Variants in PSMD5 observed in about 807,000 individuals in gnomAD.
The protein encoded by PSMD5 is 26S proteasome non-ATPase regulatory subunit 5.
In PSMD5, 40 loss-of-function variants were observed where a neutral mutation model predicts 52.1. The observed-to-expected ratio is 0.77, with a 90% CI of 0.60 to 1.00. The LOEUF (loss-of-function observed/expected upper bound fraction) is 1.00. Among genes scored for constraint, PSMD5 ranks in the 50% least tolerant of loss-of-function variants. The pLI is 0.00. For synonymous variants in PSMD5, 211 were observed against 226.6 expected (o/e 0.93, Z 0.62); for missense variants, 575 against 605.2 (o/e 0.95, Z 0.52).
chr9:120,840,643 G>A (rs1239284547), intron 1 of PSMD5, among the ~76,000 whole-genome samples: 10 of 133,336 alleles, frequency 7.5e-5, no homozygotes, highest in Non-Finnish European at 1.3e-4. Context: ...TTTTTGAGAC[G>A]GAATCTCACT....
At chr9:120,831,489 T>C (rs748137232) in intron 3 of PSMD5, 30 bp from the exon 4 acceptor site, 2 of 1,576,752 alleles carry the variant, frequency 1.3e-6, no homozygotes. Flanking sequence ...TCTCTTACAT[T>C]CCCAAAATGC....
chr9:120,838,012 C>T (rs1218613770), intron 1 of PSMD5, among the ~76,000 whole-genome samples: 1 of 152,182 alleles, frequency 6.6e-6, no homozygotes, highest in Non-Finnish European at 1.5e-5. Flanking sequence ...CAAAAGAATA[C>T]ATAATGTATG....
intron 9 of PSMD5, among the ~76,000 whole-genome samples, chr9:120,819,150 T>C (rs1306748562): frequency 6.6e-6 from 1 of 152,230 alleles, no homozygotes; most frequent in African/African-American, 2.4e-5. Flanking sequence ...TACGTTTTAA[T>C]GAAAAAGAAG....
intron 9 of PSMD5, among the ~76,000 whole-genome samples, chr9:120,819,504 C>CA (rs1293199205): frequency 6.6e-6 from 1 of 152,196 alleles, no homozygotes; most frequent in Non-Finnish European, 1.5e-5. Flanking sequence ...ATGGCCATCT[C>CA]ATACAATGAC....
intron 3 of PSMD5, 120 bp downstream of exon 3, chr9:120,831,711 TA>T: frequency 7.0e-7 from 1 of 1,422,618 alleles, no homozygotes; most frequent in Non-Finnish European, 9.4e-7. Flanking sequence ...TATGAAGTTG[TA>T]AATTCCATTA....
chr9:120,836,259 C>T (rs999364829), intron 1 of PSMD5, among the ~76,000 whole-genome samples: 2 of 152,170 alleles, frequency 1.3e-5, no homozygotes, highest in Non-Finnish European at 2.9e-5. Flanking sequence ...TTTGGTTGCA[C>T]ATGTGGGTTG....
At chr9:120,833,975 C>CTTTT (rs34657179) in intron 1 of PSMD5, among the ~76,000 whole-genome samples, 8 of 80,326 alleles carry the variant, frequency 1.0e-4, no homozygotes, top group South Asian at 8.0e-4. Context: ...CGCACCTGGC[C>CTTTT]TTTTTTTTTT....
chr9:120,837,565 AT>A (rs927410880), intron 1 of PSMD5, among the ~76,000 whole-genome samples: 11 of 151,108 alleles, frequency 7.3e-5, no homozygotes, highest in Admixed American at 4.6e-4. Flanking sequence ...AAAGTCATAC[AT>A]TTTTTTTTCC....
chr9:120,835,464 C>T (rs2045191341), intron 1 of PSMD5, among the ~76,000 whole-genome samples: 1 of 152,136 alleles, frequency 6.6e-6, no homozygotes, highest in African/African-American at 2.4e-5. Flanking sequence ...GTGACTCACG[C>T]CTGTAATCCC....
At position 120,824,583 on chromosome 9, in the gene PSMD5, C is replaced by G. The variant is rs370927809; in HGVS notation, c.917G>C (p.Ser306Thr). Residue 306 changes from serine to threonine, a missense_variant, in exon 7 of 10, where the codon AGT (serine) becomes ACT (threonine). Ser to Thr is a moderately conservative substitution (Grantham distance 58, BLOSUM62 1). Coordinates refer to ENST00000210313, the MANE Select transcript of PSMD5 (RefSeq NM_005047.4). ...FVEKVFEMIE[S>T]QDPTMIGVAV... ...TACACCAATCATAGTGGGGTCCTGACTTTCTATCATTTCAAAGACTTTTTC... is the reference window on the plus strand; with the variant it reads ...TACACCAATCATAGTGGGGTCCTGAGTTTCTATCATTTCAAAGACTTTTTC... The G allele has an allele frequency of 6.8e-6, 11 of 1,614,090 alleles. No individual in the cohort carries two copies. In the African/African-American group the frequency reaches 1.2e-4, roughly 18 times the overall value.
At chr9:120,819,611 G>A (rs2045068830) in intron 9 of PSMD5, among the ~76,000 whole-genome samples, 1 of 152,314 alleles carries the variant, frequency 6.6e-6, no homozygotes, top group Admixed American at 6.5e-5. Context: ...GAGGCGGGCG[G>A]ATCACAAGGT....
chr9:120,818,723 T>C (rs1054088358), intron 9 of PSMD5, among the ~76,000 whole-genome samples: 3 of 142,166 alleles, frequency 2.1e-5, no homozygotes, highest in African/African-American at 7.8e-5. Flanking sequence ...TCTTTTAACA[T>C]AGACAAATTT....
chr9:120,839,552 T>C (rs944047594), intron 1 of PSMD5, among the ~76,000 whole-genome samples: 1 of 152,050 alleles, frequency 6.6e-6, no homozygotes, highest in Non-Finnish European at 1.5e-5. Context: ...CTGATAGACA[T>C]CATGAATGGA....
At chr9:120,835,083 C>T (rs1156387976) in intron 1 of PSMD5, among the ~76,000 whole-genome samples, 3 of 152,186 alleles carry the variant, frequency 2.0e-5, no homozygotes, top group African/African-American at 7.2e-5. Flanking sequence ...AATGAACATA[C>T]TCTTTTAATT....
chr9:120,822,451 A>C (rs1334469159), intron 7 of PSMD5, among the ~76,000 whole-genome samples: 4 of 152,242 alleles, frequency 2.6e-5, no homozygotes, highest in Admixed American at 1.3e-4. Context: ...CTGTAAAACG[A>C]TTGTCATAGG....
At chr9:120,822,126 A>T (rs1301289997) in intron 7 of PSMD5, among the ~76,000 whole-genome samples, 1 of 151,984 alleles carries the variant, frequency 6.6e-6, no homozygotes, top group Non-Finnish European at 1.5e-5. Flanking sequence ...GTTTTTTTTT[A>T]AAGTAATAGC....
chr9:120,824,853 C>A, intron 6 of PSMD5, 168 bp from the exon 7 acceptor site: 1 of 562,850 alleles, frequency 1.8e-6, no homozygotes, highest in Non-Finnish European at 3.0e-6. Context: ...TTCTGAAGGA[C>A]CTGTGATGTG....
chr9:120,840,921 C>T (rs929390609), intron 1 of PSMD5, among the ~76,000 whole-genome samples: 9 of 148,298 alleles, frequency 6.1e-5, no homozygotes, highest in Non-Finnish European at 1.2e-4. Flanking sequence ...CCTGGCCTAA[C>T]TTTTGTATTT....
chr9:120,827,018 G>T, intron 5 of PSMD5, 111 bp from the exon 6 acceptor site: 1 of 1,150,210 alleles, frequency 8.7e-7, no homozygotes, highest in Non-Finnish European at 1.2e-6. Flanking sequence ...CATTCGAAAG[G>T]TCAATAATCT....
Sources: allele counts gnomAD v4.1 joint callset (sites outside exome capture counted in the v4.1 genomes callset), GRCh38; gene constraint gnomAD v4.1.1; transcripts MANE v1.5; gene names NCBI Gene and HGNC (gene_info 2026-07-23, HGNC 2026-07-21).